PREX2: variants seen among roughly 807,000 people sequenced by gnomAD.
The protein encoded by PREX2 is phosphatidylinositol 3,4,5-trisphosphate-dependent Rac exchanger 2 protein.
In PREX2, 107 loss-of-function variants were observed where a neutral mutation model predicts 203.2. That is an observed-to-expected ratio of 0.53 (90% CI 0.45 to 0.62). The LOEUF (loss-of-function observed/expected upper bound fraction) is 0.62, where lower values mean the gene tolerates loss of function less well. Ranked by LOEUF, PREX2 falls within the 20% of genes least tolerant of loss-of-function variation. The pLI is 0.00. For missense variants in PREX2, 1,777 were observed against 1,955.9 expected (o/e 0.91, Z 1.72); for synonymous variants, 672 against 663.6 (o/e 1.01, Z -0.19).
intron 1 of PREX2, among the ~76,000 whole-genome samples, chr8:67,984,173 C>T (rs1175027455): frequency 6.6e-6 from 1 of 152,206 alleles, no homozygotes; most frequent in Non-Finnish European, 1.5e-5. Flanking sequence ...GAACTGATCA[C>T]TCCATCTTCT....
chr8:68,040,663 G>C (rs1808170428), intron 7 of PREX2, among the ~76,000 whole-genome samples: 1 of 151,984 alleles, frequency 6.6e-6, no homozygotes. Flanking sequence ...ATCAATATCG[G>C]GAAAGCACTT....
At chr8:68,118,093 C>T (rs748550461) in intron 26 of PREX2, among the ~76,000 whole-genome samples, 3 of 152,224 alleles carry the variant, frequency 2.0e-5, no homozygotes, top group East Asian at 1.9e-4. Flanking sequence ...TGGTGGCTCA[C>T]GCCTGTAATC....
intron 6 of PREX2, among the ~76,000 whole-genome samples, chr8:68,037,271 C>T (rs1222548292): frequency 6.6e-6 from 1 of 152,164 alleles, no homozygotes; most frequent in East Asian, 1.9e-4. Context: ...TCTTGCAGAG[C>T]ACACATATAG....
At chr8:67,985,066 A>C (rs1016378237) in intron 1 of PREX2, among the ~76,000 whole-genome samples, 6 of 152,050 alleles carry the variant, frequency 3.9e-5, no homozygotes, top group African/African-American at 1.4e-4. Flanking sequence ...GCAACATGAC[A>C]TAGAAGCAGA....
At position 68,060,655 on chromosome 8, in the gene PREX2, T is replaced by C. The variant is rs758584313; in HGVS notation, c.1239-24T>C. The C allele has an allele frequency of 5.1e-6, 8 of 1,572,718 alleles. No homozygotes were observed. In the Admixed American group the frequency reaches 1.4e-4, roughly 27 times the overall value. ...CTGGGGAAAAAATTAACCGTTTAGCTTTTTCACTGACTTTCTCTTGCAGCG... is the reference window on the plus strand; with the variant it reads ...CTGGGGAAAAAATTAACCGTTTAGCCTTTTCACTGACTTTCTCTTGCAGCG... On this transcript the variant is annotated intron_variant, in intron 10 of 39. Transcript: ENST00000288368.
At chr8:68,053,053 G>C (rs1808567587) in intron 8 of PREX2, 44 bp from the exon 9 acceptor site, 1 of 1,553,136 alleles carries the variant, frequency 6.4e-7, no homozygotes. Context: ...TAATAATATT[G>C]TGTATTACAT....
Position 68,118,642 on chromosome 8 carries a change from CAG to C in PREX2, c.3420_3421del (p.Gly1141Ter), listed in dbSNP as rs755644853. ...TATTTCCACAGTGATGAAATGGACT[CAG>C]GTGTGTTCGTTGGTGAAGGCCTGTG... On this transcript the variant is annotated frameshift_variant and splice_region_variant, in exon 27 of 40. Coordinates refer to ENST00000288368, the MANE Select transcript of PREX2 (RefSeq NM_024870.4). LOFTEE classifies it high-confidence loss of function. 2 of 1,611,348 alleles carry C rather than the reference CAG, an allele frequency of 1.2e-6. No homozygotes were observed. Among genetic ancestry groups the C allele is most frequent in the Non-Finnish European group, 1.7e-6 (2 of 1,177,542 alleles).
Position 67,952,158 on chromosome 8 carries a change from C to A in PREX2, c.-237C>A. 1 of 351,248 alleles carries A rather than the reference C, an allele frequency of 2.8e-6. No individual in the cohort carries two copies. Among genetic ancestry groups the A allele is most frequent in the Non-Finnish European group, 5.0e-6 (1 of 199,758 alleles). The allele number at this position is 351,248 out of a possible 1,614,324, so 21.8% of individuals were successfully genotyped here. ...CCGGGCGCGCAGGGCCTGGCCGGAG[C>A]CCCCACTCCCAGGAGTTTCCTCTGC... On this transcript the variant is annotated 5_prime_UTR_variant, in exon 1 of 40. Coordinates refer to ENST00000288368, the MANE Select transcript of PREX2 (RefSeq NM_024870.4).
chr8:68,199,954 A>G (rs1481221394), intron 37 of PREX2, among the ~76,000 whole-genome samples: 2 of 152,202 alleles, frequency 1.3e-5, no homozygotes, highest in Non-Finnish European at 2.9e-5. Context: ...TATTAAGTAA[A>G]AGGAATAGGT....
chr8:67,986,616 A>G (rs962133820), intron 1 of PREX2, among the ~76,000 whole-genome samples: 1 of 152,172 alleles, frequency 6.6e-6, no homozygotes, highest in Non-Finnish European at 1.5e-5. Flanking sequence ...CATGTGTATC[A>G]CTTCTATCAT....
intron 4 of PREX2, among the ~76,000 whole-genome samples, chr8:68,025,876 A>G (rs982425760): frequency 2.6e-5 from 4 of 152,112 alleles, no homozygotes; most frequent in African/African-American, 9.7e-5. Flanking sequence ...CAGTACTAAT[A>G]CACAAGGCAA....
intron 1 of PREX2, among the ~76,000 whole-genome samples, chr8:67,981,426 C>G (rs1806267788): frequency 6.6e-6 from 1 of 152,132 alleles, no homozygotes; most frequent in Non-Finnish European, 1.5e-5. Context: ...TATTTACCCT[C>G]TAATTGAGTA....
In PREX2 at chr8:68,217,681, G is replaced by T. The variant is rs1243836474; in HGVS notation, c.4670G>T (p.Arg1557Leu). 6.2e-7 allele frequency: 1 copy of T among 1,614,084 alleles called. No homozygotes were observed. The highest frequency in any genetic ancestry group is 1.7e-5 in the Admixed American group (1 of 60,028). ...GCCAGAAGCCACGGACTGCCACCTC[G>T]TTACATCATGCAGGCTACAGATGTG... The part of the protein sequence containing the change: ...ILARSHGLPP[R>L]YIMQATDVMR... Residue 1557 changes from arginine (R) to leucine (L), a missense_variant, in exon 38 of 40, where the codon CGT becomes CTT. Coordinates refer to ENST00000288368, the MANE Select transcript of PREX2 (RefSeq NM_024870.4).
chr8:68,101,777 G>A (rs895569493), intron 23 of PREX2, among the ~76,000 whole-genome samples: 1 of 152,120 alleles, frequency 6.6e-6, no homozygotes, highest in Non-Finnish European at 1.5e-5. Context: ...CCGTGCCTGG[G>A]ACATTTCTCT....
chr8:68,093,972 G>A (rs529154657), intron 21 of PREX2, among the ~76,000 whole-genome samples: 2 of 152,276 alleles, frequency 1.3e-5, no homozygotes, highest in South Asian at 2.1e-4. Flanking sequence ...TCCTAAAATG[G>A]AAATGAATAT....
chr8:68,021,236 C>A (rs1807559455), intron 3 of PREX2, among the ~76,000 whole-genome samples: 1 of 152,064 alleles, frequency 6.6e-6, no homozygotes, highest in Non-Finnish European at 1.5e-5. Context: ...GATCCCAAAT[C>A]TGCCCATCAC....
intron 1 of PREX2, among the ~76,000 whole-genome samples, chr8:67,977,559 CAG>C (rs1232148930): frequency 6.6e-6 from 1 of 152,078 alleles, no homozygotes; most frequent in Non-Finnish European, 1.5e-5. Context: ...CCAGGAGTGA[CAG>C]AGTGACCTTT....
chr8:68,083,357 C>CT lies in PREX2; in HGVS notation c.1997dup (p.Arg667LysfsTer19). 1 of 1,610,568 alleles carries CT rather than the reference C, an allele frequency of 6.2e-7. No homozygotes were observed. The highest frequency in any genetic ancestry group is 8.5e-7 in the Non-Finnish European group (1 of 1,177,750). On this transcript the variant is annotated frameshift_variant, in exon 18 of 40. Transcript: ENST00000288368. LOFTEE classifies it high-confidence loss of function. ...ATCGTGTTTAAACAGCAGAAAACCT[C>CT]TAAGAGTTCTTGTGAGCACAAAGCC...
intron 9 of PREX2, among the ~76,000 whole-genome samples, chr8:68,053,711 C>A (rs930545365): frequency 2.6e-5 from 4 of 152,028 alleles, no homozygotes; most frequent in African/African-American, 9.7e-5. Context: ...TTTCTTAGAC[C>A]CAATATGTTA....
Sources: allele counts gnomAD v4.1 joint callset (sites outside exome capture counted in the v4.1 genomes callset), GRCh38; gene constraint gnomAD v4.1.1; transcripts MANE v1.5; gene names NCBI Gene and HGNC (gene_info 2026-07-23, HGNC 2026-07-21).